Variants in PCDH17 observed in about 807,000 individuals in gnomAD.
PCDH17 encodes protocadherin 17.
In PCDH17, 21 loss-of-function variants were observed where a neutral mutation model predicts 67.7. That is an observed-to-expected ratio of 0.31 (90% CI 0.22 to 0.45). The LOEUF (loss-of-function observed/expected upper bound fraction) is 0.45, where lower values mean the gene tolerates loss of function less well. Among genes scored for constraint, PCDH17 ranks in the 20% least tolerant of loss-of-function variants. The pLI, the probability that PCDH17 is intolerant of heterozygous loss-of-function variation, is 1.00. For synonymous variants in PCDH17, 701 were observed against 656.7 expected (o/e 1.07, Z -1.03); for missense variants, 1,471 against 1,564.8 (o/e 0.94, Z 1.01).
intron 3 of PCDH17, among the ~76,000 whole-genome samples, chr13:57,692,481 G>A (rs185238022): frequency 4.0e-4 from 61 of 151,176 alleles, no homozygotes; most frequent in Admixed American, 3.1e-3. Flanking sequence ...GAATTAAGAC[G>A]TGCCATAAAC....
At chr13:57,655,369 TA>T (rs1955089753) in intron 1 of PCDH17, among the ~76,000 whole-genome samples, 1 of 151,968 alleles carries the variant, frequency 6.6e-6, no homozygotes, top group South Asian at 2.1e-4. Flanking sequence ...TTACCAAAAT[TA>T]TTGTATTCAT....
intron 1 of PCDH17, 98 bp from the exon 2 acceptor site, chr13:57,666,370 T>C: frequency 3.4e-6 from 3 of 890,686 alleles, no homozygotes; most frequent in Non-Finnish European, 5.4e-6. Flanking sequence ...AAGGGAATTT[T>C]TGAATTATTA....
At chr13:57,642,067 T>G (rs1954913167) in intron 1 of PCDH17, among the ~76,000 whole-genome samples, 1 of 151,814 alleles carries the variant, frequency 6.6e-6, no homozygotes, top group Non-Finnish European at 1.5e-5. Flanking sequence ...TATGTTTCTA[T>G]TTAATATAAT....
chr13:57,685,422 A>G (rs1321272676), intron 3 of PCDH17, among the ~76,000 whole-genome samples: 1 of 151,998 alleles, frequency 6.6e-6, no homozygotes, highest in Non-Finnish European at 1.5e-5. Flanking sequence ...CCACTATATA[A>G]GGAACGAAGG....
intron 3 of PCDH17, among the ~76,000 whole-genome samples, chr13:57,700,498 T>C (rs1162368945): frequency 1.3e-5 from 2 of 152,034 alleles, no homozygotes; most frequent in Non-Finnish European, 2.9e-5. Flanking sequence ...TTTGTATTTT[T>C]AGTAGAGACG....
intron 3 of PCDH17, among the ~76,000 whole-genome samples, chr13:57,712,906 G>T (rs1184737487): frequency 6.6e-6 from 1 of 151,512 alleles, no homozygotes; most frequent in African/African-American, 2.4e-5. Context: ...TCTGGGTATG[G>T]CTGATTATCA....
chr13:57,631,647 G>T (rs973119205), upstream of PCDH17, among the ~76,000 whole-genome samples: 1 of 152,146 alleles, frequency 6.6e-6, no homozygotes, highest in Non-Finnish European at 1.5e-5. Flanking sequence ...TCAGGCTGTG[G>T]CTTTCTTGAT....
chr13:57,632,456 G>A lies in PCDH17; in HGVS notation c.-91G>A. ...CATAGACTTGTGGCTCGCGTCGCGC[G>A]CGCACGCTGCGCCAGGGCCCCAGGC... On this transcript the variant is annotated 5_prime_UTR_variant, in exon 1 of 4. Transcript: ENST00000377918. 1 of 1,344,428 alleles carries A rather than the reference G, an allele frequency of 7.4e-7. No homozygotes were observed. The highest frequency in any genetic ancestry group is 1.0e-6 in the Non-Finnish European group (1 of 993,482). The allele number at this position is 1,344,428 out of a possible 1,614,324, so 83.3% of individuals were successfully genotyped here.
Position 57,634,774 on chromosome 13 carries a change from G to A in PCDH17, c.2228G>A (p.Arg743His). ...AAGGAGATCCGCACTTACAACTGCCGCATCGCCGAGTACAGCCACCCGCAG... is the reference window on the plus strand; with the variant it reads ...AAGGAGATCCGCACTTACAACTGCCACATCGCCGAGTACAGCCACCCGCAG... ...ENKEIRTYNC[R>H]IAEYSHPQLG... Residue 743 changes from arginine (R) to histidine (H), a missense_variant, in exon 1 of 4, where the codon CGC becomes CAC. Arg to His is a conservative substitution (Grantham distance 29). This residue lies in a region of PCDH17 where 1,163 missense variants were observed against 1,230.0 expected (regional missense o/e 0.95). Coordinates refer to ENST00000377918, the MANE Select transcript of PCDH17 (RefSeq NM_001040429.3). This position sits in a 1 kb window ranked among gnomAD's most constrained non-coding sequence, Gnocchi z 7.8. 1 of 1,614,002 alleles carries A rather than the reference G, an allele frequency of 6.2e-7. No homozygotes were observed.
chr13:57,651,837 ATATTAT>A (rs547994344), intron 1 of PCDH17, among the ~76,000 whole-genome samples: 1 of 152,136 alleles, frequency 6.6e-6, no homozygotes, highest in African/African-American at 2.4e-5. Context: ...ATATTAACAC[ATATTAT>A]TATTGTTGTT....
At chr13:57,661,356 T>G (rs1955181037) in intron 1 of PCDH17, among the ~76,000 whole-genome samples, 1 of 152,174 alleles carries the variant, frequency 6.6e-6, no homozygotes, top group Non-Finnish European at 1.5e-5. Context: ...TTTTCTTAGT[T>G]TTGACAGTTC....
At chr13:57,631,544 C>G (rs1954720380), upstream of PCDH17, among the ~76,000 whole-genome samples, 1 of 152,122 alleles carries the variant, frequency 6.6e-6, no homozygotes, top group Non-Finnish European at 1.5e-5. Context: ...ACTGGCTTGG[C>G]GTAGAGAAAT....
intron 3 of PCDH17, among the ~76,000 whole-genome samples, chr13:57,682,460 A>G (rs1395714892): frequency 2.6e-5 from 4 of 151,756 alleles, no homozygotes; most frequent in South Asian, 2.1e-4. Context: ...CACTCTTCCA[A>G]TTACAATGCA....
At chr13:57,719,944 A>G (rs1332218941) in intron 3 of PCDH17, among the ~76,000 whole-genome samples, 4 of 152,054 alleles carry the variant, frequency 2.6e-5, no homozygotes, top group Admixed American at 2.0e-4. Flanking sequence ...TGAAATGGCT[A>G]TGCACTCCTG....
chr13:57,666,810 C>G lies in PCDH17; in HGVS notation c.2774C>G (p.Thr925Ser). The G allele has an allele frequency of 6.2e-7, 1 of 1,610,164 alleles. No homozygotes were observed. The highest frequency in any genetic ancestry group is 8.5e-7 in the Non-Finnish European group (1 of 1,178,116). Residue 925 changes from threonine (T) to serine (S), a missense_variant, in exon 3 of 4, where the codon ACT (threonine) becomes AGT (serine). Thr to Ser is a moderately conservative substitution (Grantham distance 58, BLOSUM62 1). Transcript: ENST00000377918. ...REALKMKTTS[T>S]KSQPLEQEPE... ...GCACTCAAGATGAAAACTACTTCAA[C>G]TAAAAGCCAACCACTTGAACAAGGT...
chr13:57,671,262 T>C (rs1705070317), intron 3 of PCDH17, among the ~76,000 whole-genome samples: 1 of 151,808 alleles, frequency 6.6e-6, no homozygotes, highest in African/African-American at 2.4e-5. Flanking sequence ...TAAATTATTG[T>C]TTATTTTAAA....
chr13:57,655,303 A>G (rs988905298), intron 1 of PCDH17, among the ~76,000 whole-genome samples: 3 of 151,982 alleles, frequency 2.0e-5, no homozygotes, highest in African/African-American at 7.2e-5. Flanking sequence ...ATAATAATTG[A>G]TTTATCTTCT....
intron 1 of PCDH17, among the ~76,000 whole-genome samples, chr13:57,645,144 A>G (rs575814063): frequency 9.9e-5 from 15 of 151,848 alleles, no homozygotes; most frequent in African/African-American, 3.1e-4. Flanking sequence ...TCTACACACA[A>G]ACTAATGAAT....
Position 57,725,497 on chromosome 13 carries a change from C to A in PCDH17, c.*203C>A. 4 of 509,406 alleles carry A rather than the reference C, an allele frequency of 7.9e-6. No homozygotes were observed. The highest frequency in any genetic ancestry group is 1.0e-5 in the Non-Finnish European group (3 of 289,476). 31.6% of individuals were successfully genotyped at this position (509,406 alleles called of 1,614,324 possible). A position where few individuals can be genotyped will look rare whatever the true frequency, so the allele number is the denominator to read the frequency against. On this transcript the variant is annotated 3_prime_UTR_variant, in exon 4 of 4. Transcript: ENST00000377918. ...AGAGATAACAATGGTTTCGTTTTGA[C>A]CAAACTTGTATTAGGACAGAATTAA...
Sources: gnomAD v4.1 joint callset for allele counts (sites outside exome capture counted in the v4.1 genomes callset) on GRCh38, gnomAD v4.1.1 for gene constraint, gnomAD v4.1.1 regional missense constraint, Gnocchi (gnomAD v3.1) non-coding constraint, MANE v1.5 for transcripts, NCBI Gene and HGNC (gene_info 2026-07-23, HGNC 2026-07-21) for gene names.